The following CPED1 variants were observed in gnomAD, a reference collection of about 807,000 sequenced individuals.
CPED1 encodes cadherin-like and PC-esterase domain-containing protein 1.
A neutral mutation model predicts 128.2 loss-of-function variants in CPED1; 114 were observed. That is an observed-to-expected ratio of 0.89 (90% CI 0.76 to 1.04). CPED1 has a LOEUF of 1.04. Among genes scored for constraint, CPED1 ranks in the 50% least tolerant of loss-of-function variants. The pLI, the probability that CPED1 is intolerant of heterozygous loss-of-function variation, is 0.00. For missense variants in CPED1, 1,211 were observed against 1,207.1 expected, an observed-to-expected ratio of 1.00 and a Z score of -0.05; for synonymous variants, 462 against 426.7, an observed-to-expected ratio of 1.08 and a Z score of -1.02.
chr7:121,154,695 G>C (rs1043897946), intron 16 of CPED1, among the ~76,000 whole-genome samples: 1 of 151,870 alleles, frequency 6.6e-6, no homozygotes. Flanking sequence ...ATAGGCATGC[G>C]CCAGCACGCC....
rs371672185 is a variant in CPED1 at position 121,003,039 on chromosome 7, T to C, written c.250-12626T>C. Among the ~76,000 whole-genome samples, 4 of 152,286 alleles carry C rather than the reference T, an allele frequency of 2.6e-5. No homozygotes were observed. In the East Asian group the frequency reaches 5.8e-4, roughly 22 times the overall value. On this transcript the variant is annotated intron_variant, in intron 2 of 22. Coordinates refer to ENST00000310396, the MANE Select transcript of CPED1 (RefSeq NM_024913.5). ...TTTACACAATTCCTGGCACATAATA[T>C]GTCGAATGAATGGATGAACAAGATC...
intron 5 of CPED1, chr7:121,076,462 G>A (rs1271621611): frequency 1.3e-5 from 2 of 152,152 alleles, no homozygotes; most frequent in African/African-American, 4.8e-5. Flanking sequence ...TATCTAAAAG[G>A]ACAGGTTTGA....
rs2116786789 is a variant in CPED1 at position 121,007,879 on chromosome 7, C to A, written c.250-7786C>A. Among the ~76,000 whole-genome samples the A allele has an allele frequency of 2.0e-5, 3 of 152,340 alleles. No homozygotes were observed. The South Asian group carries it at 6.2e-4, about 32-fold the overall frequency. On this transcript the variant is annotated intron_variant, in intron 2 of 22. Transcript: ENST00000310396. The stretch of plus-strand genomic sequence containing the variant: ...TCAGGCCCTCACAGTTCTCTCTCTT[C>A]CCAGGCTTCCCCTGTATGGTTTAAT...
At chr7:121,071,581 A>G (rs1793990564) in intron 5 of CPED1, among the ~76,000 whole-genome samples, 1 of 151,874 alleles carries the variant, frequency 6.6e-6, no homozygotes, top group Non-Finnish European at 1.5e-5. Context: ...AGGTCTCACT[A>G]TATTGCCTAG....
At chr7:121,017,257 G>C (rs1792326437) in intron 3 of CPED1, among the ~76,000 whole-genome samples, 1 of 152,068 alleles carries the variant, frequency 6.6e-6, no homozygotes, top group Non-Finnish European at 1.5e-5. Context: ...CTGAGCTTCT[G>C]GGAGCAAATG....
intron 16 of CPED1, among the ~76,000 whole-genome samples, chr7:121,229,915 G>C (rs1014816737): frequency 6.6e-6 from 1 of 152,010 alleles, no homozygotes. Flanking sequence ...GGACAAAGTA[G>C]AAGTTATTCA....
intron 16 of CPED1, among the ~76,000 whole-genome samples, chr7:121,189,398 C>T (rs149725140): frequency 6.6e-6 from 1 of 152,138 alleles, no homozygotes; most frequent in East Asian, 1.9e-4. Context: ...GCAAGCACAT[C>T]TTCACATGGC....
intron 3 of CPED1, among the ~76,000 whole-genome samples, chr7:121,033,218 T>C (rs1406125757): frequency 6.6e-6 from 1 of 152,188 alleles, no homozygotes; most frequent in Non-Finnish European, 1.5e-5. Context: ...TATTTCTTCC[T>C]TCTGTAGGAG....
At chr7:121,146,157 C>T (rs1189473975) in intron 16 of CPED1, among the ~76,000 whole-genome samples, 1 of 152,018 alleles carries the variant, frequency 6.6e-6, no homozygotes, top group Admixed American at 6.6e-5. Flanking sequence ...AAAATCAAAG[C>T]ACCGGCCTTT....
intron 3 of CPED1, among the ~76,000 whole-genome samples, chr7:121,037,720 C>T (rs6953795): frequency 0.8 from 121,628 of 152,036 alleles, 48,933 homozygotes; most frequent in East Asian, 0.94. Context: ...TGTAGATTGC[C>T]TTTGGCAGTT....
At chr7:121,184,775 A>G (rs1796968001) in intron 16 of CPED1, among the ~76,000 whole-genome samples, 1 of 152,156 alleles carries the variant, frequency 6.6e-6, no homozygotes, top group African/African-American at 2.4e-5. Flanking sequence ...TTAATGAGAA[A>G]ATAGTAGAAT....
intron 7 of CPED1, among the ~76,000 whole-genome samples, chr7:121,104,826 A>T (rs1158601950): frequency 6.6e-6 from 1 of 152,146 alleles, no homozygotes; most frequent in Admixed American, 6.6e-5. Flanking sequence ...AGTCTACTTT[A>T]TCCCTAACTG....
At chr7:121,074,534 A>T (rs1336181742) in intron 5 of CPED1, among the ~76,000 whole-genome samples, 1 of 5,030 alleles carries the variant, frequency 2.0e-4, no homozygotes, top group African/African-American at 3.3e-4. Context: ...TTTTGAGGGC[A>T]CCTTCATCTG....
intron 5 of CPED1, among the ~76,000 whole-genome samples, chr7:121,069,039 C>G (rs895249498): frequency 2.0e-5 from 3 of 152,056 alleles, no homozygotes; most frequent in African/African-American, 7.2e-5. Flanking sequence ...ATTTATTATA[C>G]TGGACAAAAA....
At chr7:121,019,642 C>T (rs911383759) in intron 3 of CPED1, among the ~76,000 whole-genome samples, 3 of 152,034 alleles carry the variant, frequency 2.0e-5, no homozygotes, top group Non-Finnish European at 4.4e-5. Flanking sequence ...TATTTACAAA[C>T]AGCATTTCAT....
At chr7:121,093,501 A>G (rs1160399812) in intron 5 of CPED1, among the ~76,000 whole-genome samples, 1 of 151,890 alleles carries the variant, frequency 6.6e-6, no homozygotes, top group Non-Finnish European at 1.5e-5. Context: ...TACCAAGTAC[A>G]GTGTAGAGTT....
chr7:121,263,054 C>G (rs1270451898), intron 18 of CPED1, among the ~76,000 whole-genome samples: 3 of 152,170 alleles, frequency 2.0e-5, no homozygotes, highest in African/African-American at 7.2e-5. Context: ...GCTATGTCTG[C>G]TAGATTCAAC....
intron 7 of CPED1, among the ~76,000 whole-genome samples, chr7:121,121,496 T>G (rs980174000): frequency 1.3e-5 from 2 of 152,254 alleles, no homozygotes; most frequent in African/African-American, 2.4e-5. Context: ...AGAAAATTTA[T>G]AGTTTATAAA....
chr7:121,088,267 A>G (rs1794484273), intron 5 of CPED1, among the ~76,000 whole-genome samples: 1 of 152,308 alleles, frequency 6.6e-6, no homozygotes, highest in African/African-American at 2.4e-5. Flanking sequence ...GTGAAAAATA[A>G]TTCATACGTA....
Sources: allele counts gnomAD v4.1 joint callset (sites outside exome capture counted in the v4.1 genomes callset), GRCh38; gene constraint gnomAD v4.1.1; transcripts MANE v1.5; gene names NCBI Gene and HGNC (gene_info 2026-07-23, HGNC 2026-07-21).